Variants in CMTM5 observed in about 807,000 individuals in gnomAD.
The protein encoded by CMTM5 is CKLF-like MARVEL transmembrane domain-containing protein 5.
CMTM5 carries 25 observed loss-of-function variants against 26.9 expected under a neutral mutation model. That is an observed-to-expected ratio of 0.93 (90% CI 0.68 to 1.30). CMTM5 has a LOEUF of 1.30. Ranked by LOEUF, CMTM5 falls within the 50% of genes most tolerant of loss-of-function variation. The pLI is 0.00. For synonymous variants in CMTM5, 98 were observed against 115.5 expected, an observed-to-expected ratio of 0.85 and a Z score of 0.97; for missense variants, 292 against 289.6, an observed-to-expected ratio of 1.01 and a Z score of -0.06.
Position 23,379,624 on chromosome 14 carries a change from A to T in CMTM5, c.*137A>T. On this transcript the variant is annotated 3_prime_UTR_variant, in exon 6 of 6. Coordinates refer to ENST00000339180, the MANE Select transcript of CMTM5 (RefSeq NM_001288746.2). Reference sequence around the variant, plus strand: ...ACACAGCAGTCTGGCCTGAGACGTCACTGGGGACTTATCTGTGGAGCCTGG... The same window carrying T: ...ACACAGCAGTCTGGCCTGAGACGTCTCTGGGGACTTATCTGTGGAGCCTGG... 6.7e-7 allele frequency: 1 copy of T among 1,498,550 alleles called. No homozygotes were observed. 92.8% of individuals were successfully genotyped at this position (1,498,550 alleles called of 1,614,324 possible). A position where few individuals can be genotyped will look rare whatever the true frequency, so the allele number is the denominator to read the frequency against.
At position 23,378,941 on chromosome 14, in the gene CMTM5, CAG is replaced by C; in HGVS notation, c.480+73_480+74del. 6.2e-7 allele frequency: 1 copy of C among 1,604,674 alleles called. No homozygotes were observed. Among genetic ancestry groups the C allele is most frequent in the South Asian group, 1.1e-5 (1 of 90,458 alleles). On this transcript the variant is annotated intron_variant, in intron 3 of 5. Transcript: ENST00000339180. This position sits in a 1 kb window ranked among gnomAD's most constrained non-coding sequence, Gnocchi z 4.2. ...TCCTATGGAGGGGTTCAGAATCCCT[CAG>C]GGTCGGGCTGCTGGCTAGCCTGGAA...
At position 23,378,432 on chromosome 14, in the gene CMTM5, A is replaced by T. The variant is rs745368946; in HGVS notation, c.210A>T (p.Thr70=). 6.2e-7 allele frequency: 1 copy of T among 1,613,864 alleles called. No homozygotes were observed. Among genetic ancestry groups the T allele is most frequent in the Non-Finnish European group, 8.5e-7 (1 of 1,179,944 alleles). Reference sequence around the variant, plus strand: ...CGGCGCTACTGGAGTTCTTCATCACACTTGCCTTCCTCTTCCTCTATGCCA... The same window carrying T: ...CGGCGCTACTGGAGTTCTTCATCACTCTTGCCTTCCTCTTCCTCTATGCCA... ...MAAALLEFFI[T]LAFLFLYATQ... is the part of the protein sequence containing the mutation. Residue 70 remains threonine, a synonymous_variant, in exon 2 of 6, where the codon ACA becomes ACT. Transcript: ENST00000339180. This position sits in a 1 kb window ranked among gnomAD's most constrained non-coding sequence, Gnocchi z 4.2.
chr14:23,378,282 G>A lies in CMTM5; in HGVS notation c.127-67G>A. On this transcript the variant is annotated intron_variant, in intron 1 of 5. Transcript: ENST00000339180. This position sits in a 1 kb window ranked among gnomAD's most constrained non-coding sequence, Gnocchi z 4.2. ...CAGCCTAGGGGAGCTTCCAAGGAGG[G>A]GAAGGCAAAGCCCTGGCCCCTGCCT... 3.2e-6 allele frequency: 5 copies of A among 1,570,124 alleles called. No homozygotes were observed. The highest frequency in any genetic ancestry group is 1.7e-4 in the Middle Eastern group (1 of 5,884).
rs955514945 is a variant in CMTM5, at chr14:23,378,577, G to A, written c.279+76G>A. 3.9e-5 allele frequency: 63 copies of A among 1,607,550 alleles called. No individual in the cohort carries two copies. Among genetic ancestry groups the A allele is most frequent in the Non-Finnish European group, 5.1e-5 (60 of 1,175,370 alleles). On this transcript the variant is annotated intron_variant, in intron 2 of 5. Coordinates refer to ENST00000339180, the MANE Select transcript of CMTM5 (RefSeq NM_001288746.2). This position sits in a 1 kb window ranked among gnomAD's most constrained non-coding sequence, Gnocchi z 4.2. Reference sequence around the variant, plus strand: ...AATGATGCATTTTCCTTTCCTCCCCGAGCTTCTTTCCATTTCCACACCACA... The same window carrying A: ...AATGATGCATTTTCCTTTCCTCCCCAAGCTTCTTTCCATTTCCACACCACA...
In CMTM5 at chr14:23,378,807, C is replaced by T; in HGVS notation, c.418C>T (p.Pro140Ser). 3 of 1,612,666 alleles carry T rather than the reference C, an allele frequency of 1.9e-6. No homozygotes were observed. Among genetic ancestry groups the T allele is most frequent in the Non-Finnish European group, 2.5e-6 (3 of 1,179,810 alleles). ...TPAAVPWVPAPAPGFWSWLLW... is the reference protein window; with the variant it reads ...TPAAVPWVPASAPGFWSWLLW... ...AGCCGCTGTCCCCTGGGTTCCAGCC[C>T]CAGCGCCTGGCTTCTGGTCCTGGTT... The change falls in exon 3 of 6, where the codon CCA becomes TCA. Residue 140 changes from proline to serine, a missense_variant. Pro to Ser is a moderately conservative substitution (Grantham distance 74). Transcript: ENST00000339180. This position sits in a 1 kb window ranked among gnomAD's most constrained non-coding sequence, Gnocchi z 4.2.
chr14:23,377,449 C>T lies in CMTM5; in HGVS notation c.126+72C>T, dbSNP rs1890619277. The T allele has an allele frequency of 6.8e-7, 1 of 1,476,172 alleles. No individual in the cohort carries two copies. The allele number at this position is 1,476,172 out of a possible 1,614,324, so 91.4% of individuals were successfully genotyped here. ...GCTCCTGGCCAGCCTTATGCCAGCC[C>T]CCAGCTCACCCTTCAGTAGCCTCCT... On this transcript the variant is annotated intron_variant, in intron 1 of 5. Transcript: ENST00000339180. The surrounding 1 kb of genome is among the most constrained non-coding windows in gnomAD (Gnocchi z 4.6).
rs1272996794 is a variant in CMTM5 at position 23,378,628 on chromosome 14, C to T, written c.280-41C>T. 2 of 1,610,722 alleles carry T rather than the reference C, an allele frequency of 1.2e-6. No individual in the cohort carries two copies. Among genetic ancestry groups the T allele is most frequent in the East Asian group, 4.5e-5 (2 of 44,860 alleles). On this transcript the variant is annotated intron_variant, in intron 2 of 5. Transcript: ENST00000339180. This position sits in a 1 kb window ranked among gnomAD's most constrained non-coding sequence, Gnocchi z 4.2. ...GCTGGGCTTTGTCCCATGCTATGCC[C>T]TGCACTCAAAGGTGTGCTTTGACTC...
Position 23,377,184 on chromosome 14 carries a change from C to T in CMTM5, c.-68C>T. On this transcript the variant is annotated 5_prime_UTR_variant, in exon 1 of 6. Coordinates refer to ENST00000339180, the MANE Select transcript of CMTM5 (RefSeq NM_001288746.2). The surrounding 1 kb of genome is among the most constrained non-coding windows in gnomAD (Gnocchi z 4.6). ...TCTTGCTCCTGTCTGTTTCCCCATC[C>T]TGCCAGATTTCTGTTTCTCTTGCTG... 4 of 1,585,614 alleles carry T rather than the reference C, an allele frequency of 2.5e-6. No homozygotes were observed. Among genetic ancestry groups the T allele is most frequent in the Non-Finnish European group, 3.4e-6 (4 of 1,167,944 alleles).
Position 23,379,508 on chromosome 14 carries a change from T to C in CMTM5, c.*21T>C, listed in dbSNP as rs767389342. ...AGTGACTCTGGGGCTACCTGGCTCC[T>C]AGGCCCAGCCAGCCAGAGAGGACAG... On this transcript the variant is annotated 3_prime_UTR_variant, in exon 6 of 6. Transcript: ENST00000339180. 19 of 1,613,218 alleles carry C rather than the reference T, an allele frequency of 1.2e-5. No individual in the cohort carries two copies. The East Asian group carries it at 4.0e-4, about 34-fold the overall frequency.
rs142937522 is a variant in CMTM5, at chr14:23,378,322, G to A, written c.127-27G>A. 2.5e-6 allele frequency: 4 copies of A among 1,612,382 alleles called. No individual in the cohort carries two copies. In the East Asian group the frequency reaches 6.7e-5, roughly 27 times the overall value. On this transcript the variant is annotated intron_variant, in intron 1 of 5. Coordinates refer to ENST00000339180, the MANE Select transcript of CMTM5 (RefSeq NM_001288746.2). The surrounding 1 kb of genome is among the most constrained non-coding windows in gnomAD (Gnocchi z 4.2). ...GGCCCCTGCCTGTGTCCCCTTCTTG[G>A]CATGTTCCACATGCTCGGTCCTGCA... is the stretch of plus-strand genomic sequence containing the variant.
chr14:23,378,391 T>C lies in CMTM5; in HGVS notation c.169T>C (p.Ser57Pro). The stretch of plus-strand genomic sequence containing the variant: ...CTTCATCTGCTTCACGGCCTCCATC[T>C]CTGCCTACATGGCCGCGGCGCTACT... ...IIFICFTASI[S>P]AYMAAALLEF... Residue 57 changes from serine (S) to proline (P), a missense_variant, in exon 2 of 6, where the codon TCT becomes CCT. By Grantham distance (74) the Ser-to-Pro change is moderately conservative. Coordinates refer to ENST00000339180, the MANE Select transcript of CMTM5 (RefSeq NM_001288746.2). The surrounding 1 kb of genome is among the most constrained non-coding windows in gnomAD (Gnocchi z 4.2). 6.2e-7 allele frequency: 1 copy of C among 1,614,094 alleles called. No individual in the cohort carries two copies. Among genetic ancestry groups the C allele is most frequent in the Admixed American group, 1.7e-5 (1 of 60,022 alleles).
At position 23,379,490 on chromosome 14, in the gene CMTM5, CT is replaced by C; in HGVS notation, c.*4del. On this transcript the variant is annotated 3_prime_UTR_variant, in exon 6 of 6. Coordinates refer to ENST00000339180, the MANE Select transcript of CMTM5 (RefSeq NM_001288746.2). ...TCCTCACAGGGGACCAGCAGTGACT[CT>C]GGGGCTACCTGGCTCCTAGGCCCAG... 1 of 1,613,728 alleles carries C rather than the reference CT, an allele frequency of 6.2e-7. No homozygotes were observed. Among genetic ancestry groups the C allele is most frequent in the Non-Finnish European group, 8.5e-7 (1 of 1,180,026 alleles).
chr14:23,379,645 C>T lies in CMTM5; in HGVS notation c.*158C>T. On this transcript the variant is annotated 3_prime_UTR_variant, in exon 6 of 6. Coordinates refer to ENST00000339180, the MANE Select transcript of CMTM5 (RefSeq NM_001288746.2). ...CGTCACTGGGGACTTATCTGTGGAG[C>T]CTGGTGCTCCAGGATGTGGCTTCTC... 1.4e-6 allele frequency: 2 copies of T among 1,477,360 alleles called. No homozygotes were observed. The highest frequency in any genetic ancestry group is 1.3e-5 in the South Asian group (1 of 75,354). 91.5% of individuals were successfully genotyped at this position (1,477,360 alleles called of 1,614,324 possible). A position where few individuals can be genotyped will look rare whatever the true frequency, so the allele number is the denominator to read the frequency against.
At position 23,378,366 on chromosome 14, in the gene CMTM5, C is replaced by A; in HGVS notation, c.144C>A (p.Ile48=). ...TCCTGCAGGCCCTGACCCTCATCAT[C>A]TTCATCTGCTTCACGGCCTCCATCT... ...LETELALTLI[I]FICFTASISA... is the part of the protein sequence containing the mutation. The change falls in exon 2 of 6, where the codon ATC becomes ATA. Residue 48 remains isoleucine, a synonymous_variant. Coordinates refer to ENST00000339180, the MANE Select transcript of CMTM5 (RefSeq NM_001288746.2). The surrounding 1 kb of genome is among the most constrained non-coding windows in gnomAD (Gnocchi z 4.2). 6.2e-7 allele frequency: 1 copy of A among 1,614,086 alleles called. No homozygotes were observed. The highest frequency in any genetic ancestry group is 8.5e-7 in the Non-Finnish European group (1 of 1,179,976).
At position 23,379,487 on chromosome 14, in the gene CMTM5, A is replaced by G; in HGVS notation, c.672A>G (p.Ter224TrpextTer90). The G allele has an allele frequency of 6.2e-7, 1 of 1,613,620 alleles. No homozygotes were observed. Residue 224 changes from the stop codon to tryptophan, a stop_lost, in exon 6 of 6, where the codon TGA becomes TGG. Transcript: ENST00000339180. ...CTATCCTCACAGGGGACCAGCAGTG[A>G]CTCTGGGGCTACCTGGCTCCTAGGC... ...APGASQGDQQ* is the reference protein window; with the variant it reads ...APGASQGDQQW
Position 23,377,275 on chromosome 14 carries a change from G to A in CMTM5, c.24G>A (p.Arg8=), listed in dbSNP as rs1890602533. 6.2e-7 allele frequency: 1 copy of A among 1,612,352 alleles called. No homozygotes were observed. Among genetic ancestry groups the A allele is most frequent in the Non-Finnish European group, 8.5e-7 (1 of 1,179,306 alleles). The change falls in exon 1 of 6, where the codon CGG becomes CGA. Residue 8 remains arginine, a synonymous_variant. Transcript: ENST00000339180. The surrounding 1 kb of genome is among the most constrained non-coding windows in gnomAD (Gnocchi z 4.6). MLSARDR[R]DRHPEEGVVA... ...AGATGCTCAGTGCTCGAGATCGCCG[G>A]GACCGGCACCCTGAGGAGGGGGTAG...
In CMTM5 at chr14:23,378,976, G is replaced by A. The variant is rs949372316; in HGVS notation, c.481-55G>A. Reference sequence around the variant, plus strand: ...CTGCTGGCTAGCCTGGAAAACTTCAGGGTAACGCCCCCTGCCTTCTGAGGT... The same window carrying A: ...CTGCTGGCTAGCCTGGAAAACTTCAAGGTAACGCCCCCTGCCTTCTGAGGT... On this transcript the variant is annotated intron_variant, in intron 3 of 5. Coordinates refer to ENST00000339180, the MANE Select transcript of CMTM5 (RefSeq NM_001288746.2). The surrounding 1 kb of genome is among the most constrained non-coding windows in gnomAD (Gnocchi z 4.2). 6.2e-7 allele frequency: 1 copy of A among 1,609,928 alleles called. No homozygotes were observed. The highest frequency in any genetic ancestry group is 1.3e-5 in the African/African-American group (1 of 74,914).
At position 23,378,298 on chromosome 14, in the gene CMTM5, G is replaced by A; in HGVS notation, c.127-51G>A. On this transcript the variant is annotated intron_variant, in intron 1 of 5. Coordinates refer to ENST00000339180, the MANE Select transcript of CMTM5 (RefSeq NM_001288746.2). The surrounding 1 kb of genome is among the most constrained non-coding windows in gnomAD (Gnocchi z 4.2). ...CCAAGGAGGGGAAGGCAAAGCCCTG[G>A]CCCCTGCCTGTGTCCCCTTCTTGGC... The A allele has an allele frequency of 3.7e-6, 6 of 1,603,136 alleles. No homozygotes were observed. Among genetic ancestry groups the A allele is most frequent in the Non-Finnish European group, 5.1e-6 (6 of 1,173,972 alleles).
intron 4 of CMTM5, 84 bp downstream of exon 4, chr14:23,379,207 A>G: frequency 6.3e-7 from 1 of 1,599,736 alleles, no homozygotes; most frequent in Non-Finnish European, 8.5e-7. Context: ...AGCCACAGCC[A>G]GGACTTGGGG....
Sources: gnomAD v4.1 joint callset for allele counts on GRCh38, gnomAD v4.1.1 for gene constraint, Gnocchi (gnomAD v3.1) non-coding constraint, MANE v1.5 for transcripts, NCBI Gene and HGNC (gene_info 2026-07-23, HGNC 2026-07-21) for gene names.